The following RREB1 variants were observed in gnomAD, a reference collection of about 807,000 sequenced individuals.
RREB1 encodes ras-responsive element-binding protein 1.
A neutral mutation model predicts 117.8 loss-of-function variants in RREB1; 27 were observed. That is an observed-to-expected ratio of 0.23 (90% CI 0.17 to 0.32). RREB1 has a LOEUF of 0.32. Ranked by LOEUF, RREB1 falls within the 10% of genes least tolerant of loss-of-function variation. The probability of loss-of-function intolerance (pLI) is 1.00; values close to 1 mark genes in which losing one functional copy is unlikely to be tolerated. For missense variants in RREB1, 2,577 were observed against 2,378.2 expected (o/e 1.08, Z -1.74); for synonymous variants, 1,298 against 1,026.7 (o/e 1.26, Z -5.05).
At chr6:7,186,718 A>G (rs1424135570) in intron 4 of RREB1, among the ~76,000 whole-genome samples, 1 of 152,198 alleles carries the variant, frequency 6.6e-6, no homozygotes, top group African/African-American at 2.4e-5. Flanking sequence ...TGACCTGTGC[A>G]TTCTGAGGGA....
intron 12 of RREB1, 143 bp downstream of exon 12, chr6:7,247,364 AG>A: frequency 1.4e-6 from 1 of 695,196 alleles, no homozygotes. Context: ...CCCGTGAACT[AG>A]GAGTTTTAAG....
In RREB1 at chr6:7,248,705, G is replaced by A. The variant is rs764818183; in HGVS notation, c.4966G>A (p.Glu1656Lys). 16 of 1,614,184 alleles carry A rather than the reference G, an allele frequency of 9.9e-6. No individual in the cohort carries two copies. Among genetic ancestry groups the A allele is most frequent in the East Asian group, 4.5e-5 (2 of 44,878 alleles). Reference sequence around the variant, plus strand: ...CGGCAACAACGCCGTCTCAGAGAACGAGGCTGAGCTGGCTCCCAATGCCAG... The same window carrying A: ...CGGCAACAACGCCGTCTCAGAGAACAAGGCTGAGCTGGCTCCCAATGCCAG... ...HSGNNAVSENEAELAPNASNH... is the reference protein window; with the variant it reads ...HSGNNAVSENKAELAPNASNH... Residue 1656 changes from glutamate (E) to lysine (K), a missense_variant, in exon 13 of 13, where the codon GAG becomes AAG. Coordinates refer to ENST00000379938, the MANE Select transcript of RREB1 (RefSeq NM_001003699.4).
intron 1 of RREB1, among the ~76,000 whole-genome samples, chr6:7,156,501 C>T (rs1011836953): frequency 6.6e-6 from 1 of 152,196 alleles, no homozygotes; most frequent in African/African-American, 2.4e-5. Flanking sequence ...CCTTGTGGCT[C>T]TCCCAGCCAC....
chr6:7,184,369 A>C (rs908009282), intron 4 of RREB1: 2 of 150,106 alleles, frequency 1.3e-5, no homozygotes, highest in South Asian at 4.2e-4. Flanking sequence ...CTATACAGCT[A>C]ATGTGTGTAA....
intron 6 of RREB1, among the ~76,000 whole-genome samples, chr6:7,195,468 T>A (rs1367673655): frequency 6.6e-6 from 1 of 152,162 alleles, no homozygotes; most frequent in Non-Finnish European, 1.5e-5. Context: ...TGAGCTGTGA[T>A]CTCTCCCAAG....
intron 6 of RREB1, among the ~76,000 whole-genome samples, chr6:7,196,403 T>G (rs1433367422): frequency 3.3e-5 from 5 of 152,052 alleles, no homozygotes; most frequent in Non-Finnish European, 7.4e-5. Context: ...TATCTGTATT[T>G]GTAATGCTAC....
In RREB1 at chr6:7,240,567, C is replaced by T; in HGVS notation, c.3938C>T (p.Ser1313Leu). 1 of 1,613,768 alleles carries T rather than the reference C, an allele frequency of 6.2e-7. No homozygotes were observed. The highest frequency in any genetic ancestry group is 2.2e-5 in the East Asian group (1 of 44,868). ...SLRRNGLIPQ[S>L]KESDVGSHDS... ...AGAAGAAACGGGCTTATCCCCCAGT[C>T]AAAAGAGAGTGATGTTGGATCCCAT... The change falls in exon 11 of 13, where the codon TCA (serine) becomes TTA (leucine). Residue 1313 changes from serine to leucine, a missense_variant. By Grantham distance (145) the Ser-to-Leu change is moderately radical. Coordinates refer to ENST00000379938, the MANE Select transcript of RREB1 (RefSeq NM_001003699.4).
At chr6:7,141,069 C>T (rs1231927721) in intron 1 of RREB1, among the ~76,000 whole-genome samples, 1 of 152,234 alleles carries the variant, frequency 6.6e-6, no homozygotes, top group Non-Finnish European at 1.5e-5. Flanking sequence ...TGTCTGTGCC[C>T]TCCTCAGGCT....
intron 1 of RREB1, among the ~76,000 whole-genome samples, chr6:7,166,481 C>T (rs1464587427): frequency 6.6e-6 from 1 of 152,078 alleles, no homozygotes; most frequent in Non-Finnish European, 1.5e-5. Context: ...TGTTGTATGG[C>T]GGAGGGCAGC....
intron 8 of RREB1, among the ~76,000 whole-genome samples, chr6:7,223,281 G>C (rs1767377596): frequency 2.4e-5 from 3 of 124,424 alleles, no homozygotes; most frequent in African/African-American, 7.0e-5. Context: ...AAAAAAAAAG[G>C]CCGGGCACGA....
intron 1 of RREB1, among the ~76,000 whole-genome samples, chr6:7,175,099 A>G (rs1159291691): frequency 6.6e-6 from 1 of 152,196 alleles, no homozygotes; most frequent in East Asian, 1.9e-4. Context: ...AAAATATGAA[A>G]AAAGAATAAC....
intron 1 of RREB1, among the ~76,000 whole-genome samples, chr6:7,150,973 G>C (rs185091422): frequency 6.6e-6 from 1 of 152,204 alleles, no homozygotes; most frequent in Admixed American, 6.5e-5. Flanking sequence ...GCTGCTGGCC[G>C]CCCGGAGATC....
chr6:7,247,468 T>C (rs1769157944), intron 12 of RREB1, among the ~76,000 whole-genome samples: 1 of 152,178 alleles, frequency 6.6e-6, no homozygotes, highest in African/African-American at 2.4e-5. Flanking sequence ...AACGCTGTGA[T>C]CCGCCTTTAG....
chr6:7,149,832 G>A (rs1267377342), intron 1 of RREB1, among the ~76,000 whole-genome samples: 1 of 151,942 alleles, frequency 6.6e-6, no homozygotes, highest in Non-Finnish European at 1.5e-5. Flanking sequence ...GGGATTACAG[G>A]TGTGCACCAC....
chr6:7,173,513 A>G (rs1265698840), intron 1 of RREB1, among the ~76,000 whole-genome samples: 3 of 151,938 alleles, frequency 2.0e-5, no homozygotes, highest in East Asian at 3.9e-4. Context: ...AGAAAAAAAA[A>G]AAAAAGAACT....
At chr6:7,149,258 T>G (rs1763008061) in intron 1 of RREB1, among the ~76,000 whole-genome samples, 1 of 152,130 alleles carries the variant, frequency 6.6e-6, no homozygotes, top group Non-Finnish European at 1.5e-5. Context: ...TGTGCATATT[T>G]ATCACCAAAA....
intron 8 of RREB1, 194 bp downstream of exon 8, chr6:7,211,903 G>A (rs1241758835): frequency 3.8e-5 from 23 of 607,194 alleles, no homozygotes. Context: ...TGTATCCACA[G>A]GGTGTTCACA....
intron 4 of RREB1, chr6:7,183,289 C>T (rs1764901171): frequency 6.6e-6 from 1 of 152,110 alleles, no homozygotes; most frequent in Non-Finnish European, 1.5e-5. Flanking sequence ...TGGCCTGAGT[C>T]GAGAAGGAGT....
chr6:7,196,612 T>C (rs1004039441), intron 6 of RREB1, among the ~76,000 whole-genome samples: 16 of 152,338 alleles, frequency 1.1e-4, no homozygotes, highest in African/African-American at 3.4e-4. Flanking sequence ...ACTTGATCTT[T>C]TAAAAGTAAT....
Sources: gnomAD v4.1 joint callset for allele counts (sites outside exome capture counted in the v4.1 genomes callset) on GRCh38, gnomAD v4.1.1 for gene constraint, MANE v1.5 for transcripts, NCBI Gene and HGNC (gene_info 2026-07-23, HGNC 2026-07-21) for gene names.